PHACTR3: variants seen among roughly 807,000 people sequenced by gnomAD.
The protein encoded by PHACTR3 is protein phosphatase 1, regulatory subunit 123.
Under a neutral mutation model 66.8 loss-of-function variants are expected in PHACTR3, and 16 were observed. That is an observed-to-expected ratio of 0.24 (90% CI 0.16 to 0.36). The LOEUF is 0.36. Among genes scored for constraint, PHACTR3 ranks in the 10% least tolerant of loss-of-function variants. PHACTR3 has a pLI of 1.00. For synonymous variants in PHACTR3, 323 were observed against 292.1 expected (o/e 1.11, Z -1.08); for missense variants, 647 against 719.9 (o/e 0.90, Z 1.16).
At position 59,707,732 on chromosome 20, in the gene PHACTR3, C is replaced by T. The variant is rs2037761452; in HGVS notation, c.119-35375C>T. 2.0e-5 allele frequency among the ~76,000 whole-genome samples: 3 copies of T among 152,096 alleles called. No homozygotes were observed. The South Asian group carries it at 6.2e-4, about 32-fold the overall frequency. ...CCTCCCACCTCAGCCTCCCAAAGTG[C>T]TGGGATTACAGGCGTGAGCCCCCTT... On this transcript the variant is annotated intron_variant, in intron 1 of 12. Coordinates refer to ENST00000371015, the MANE Select transcript of PHACTR3 (RefSeq NM_080672.5).
chr20:59,581,059 A>T (rs542624489), intron 1 of PHACTR3, among the ~76,000 whole-genome samples: 2 of 152,322 alleles, frequency 1.3e-5, no homozygotes, highest in East Asian at 3.9e-4. Flanking sequence ...TGGAGCTGGC[A>T]TCCCCGCCAT....
At chr20:59,700,105 C>T (rs976768044) in intron 1 of PHACTR3, among the ~76,000 whole-genome samples, 3 of 152,200 alleles carry the variant, frequency 2.0e-5, no homozygotes, top group African/African-American at 2.4e-5. Flanking sequence ...GTGTTATTCA[C>T]GATATGTGTG....
chr20:59,715,643 A>T (rs1433378446), intron 1 of PHACTR3, among the ~76,000 whole-genome samples: 1 of 152,092 alleles, frequency 6.6e-6, no homozygotes, highest in Non-Finnish European at 1.5e-5. Flanking sequence ...CTTAAAATTG[A>T]TTCCCTCATG....
chr20:59,785,848 C>CTCTGCATCCCCTGCT (rs979601713), intron 7 of PHACTR3, among the ~76,000 whole-genome samples: 1 of 40,474 alleles, frequency 2.5e-5, no homozygotes, highest in African/African-American at 5.1e-5. Context: ...TCCAGCAGCC[C>CTCTGCATCCCCTGCT]TCTGCATCCC....
intron 1 of PHACTR3, among the ~76,000 whole-genome samples, chr20:59,630,594 T>G (rs2034626420): frequency 1.3e-5 from 2 of 152,242 alleles, no homozygotes; most frequent in Admixed American, 1.3e-4. Context: ...AGTGGTTCTA[T>G]TAGAGCAACA....
intron 1 of PHACTR3, among the ~76,000 whole-genome samples, chr20:59,654,520 C>T (rs983640310): frequency 6.6e-6 from 1 of 152,066 alleles, no homozygotes; most frequent in African/African-American, 2.4e-5. Flanking sequence ...GTAGGACAAC[C>T]AGAAGTTATA....
At chr20:59,708,258 A>AG (rs1409091836) in intron 1 of PHACTR3, among the ~76,000 whole-genome samples, 5 of 152,156 alleles carry the variant, frequency 3.3e-5, no homozygotes, top group African/African-American at 1.2e-4. Flanking sequence ...TGAACTTTTG[A>AG]GGGGCTCACA....
intron 8 of PHACTR3, among the ~76,000 whole-genome samples, chr20:59,823,249 T>C (rs1451306454): frequency 1.3e-5 from 2 of 152,192 alleles, no homozygotes; most frequent in Non-Finnish European, 2.9e-5. Context: ...CACGGGGCCA[T>C]TTGTGATCAT....
intron 1 of PHACTR3, among the ~76,000 whole-genome samples, chr20:59,645,742 T>C (rs1158648376): frequency 6.6e-6 from 1 of 152,114 alleles, no homozygotes; most frequent in African/African-American, 2.4e-5. Flanking sequence ...AATGAAACCG[T>C]CATGTTTTAA....
chr20:59,581,015 G>A (rs1056534520), intron 1 of PHACTR3, among the ~76,000 whole-genome samples: 3 of 152,208 alleles, frequency 2.0e-5, no homozygotes, highest in Non-Finnish European at 4.4e-5. Flanking sequence ...AGGACTGGAC[G>A]GCTGAGACCT....
intron 8 of PHACTR3, among the ~76,000 whole-genome samples, chr20:59,818,869 AT>A (rs1292400169): frequency 6.6e-6 from 1 of 151,832 alleles, no homozygotes; most frequent in Non-Finnish European, 1.5e-5. Flanking sequence ...TTTCTTCCTC[AT>A]TATCTTTCCA....
intron 1 of PHACTR3, among the ~76,000 whole-genome samples, chr20:59,666,646 C>G (rs768614825): frequency 2.6e-5 from 4 of 151,424 alleles, no homozygotes; most frequent in Non-Finnish European, 5.9e-5. Context: ...GAGAGAGAGA[C>G]AAAGACAGAG....
At chr20:59,840,547 C>T (rs2145511275) in intron 10 of PHACTR3, 117 bp downstream of exon 10, 1 of 1,426,018 alleles carries the variant, frequency 7.0e-7, no homozygotes, top group African/African-American at 1.4e-5. Context: ...TAATGTTCTC[C>T]TGGACATCAT....
chr20:59,746,781 G>A (rs561437226), intron 2 of PHACTR3, among the ~76,000 whole-genome samples: 2 of 152,200 alleles, frequency 1.3e-5, no homozygotes, highest in South Asian at 2.1e-4. Context: ...GCAGGATCAC[G>A]GAGCAGGCCC....
intron 5 of PHACTR3, among the ~76,000 whole-genome samples, chr20:59,768,452 C>G (rs117588214): frequency 0.022 from 3,401 of 152,350 alleles, 57 homozygotes; most frequent in Non-Finnish European, 0.035. Flanking sequence ...CAGGAAACTC[C>G]AGTAACTTGT....
chr20:59,658,428 T>C (rs957009360), intron 1 of PHACTR3, among the ~76,000 whole-genome samples: 13 of 152,140 alleles, frequency 8.5e-5, no homozygotes, highest in African/African-American at 3.1e-4. Flanking sequence ...TTAGCAACTC[T>C]GGATACTTGT....
At chr20:59,836,724 G>A (rs2058974335) in intron 9 of PHACTR3, among the ~76,000 whole-genome samples, 164 bp downstream of exon 9, 1 of 152,132 alleles carries the variant, frequency 6.6e-6, no homozygotes, top group South Asian at 2.1e-4. Flanking sequence ...CCAAAGGAAA[G>A]CTGATATACC....
At chr20:59,809,674 T>C (rs530814065) in intron 8 of PHACTR3, among the ~76,000 whole-genome samples, 1 of 152,274 alleles carries the variant, frequency 6.6e-6, no homozygotes, top group Admixed American at 6.5e-5. Context: ...AGATTGCTGA[T>C]CATAAACTTG....
At chr20:59,599,098 G>A (rs1024223506) in intron 1 of PHACTR3, among the ~76,000 whole-genome samples, 2 of 152,222 alleles carry the variant, frequency 1.3e-5, no homozygotes, top group Non-Finnish European at 2.9e-5. Context: ...GGGGACTGAG[G>A]CAGCAGAGGG....
Sources: allele counts gnomAD v4.1 joint callset (sites outside exome capture counted in the v4.1 genomes callset), GRCh38; gene constraint gnomAD v4.1.1; transcripts MANE v1.5; gene names NCBI Gene and HGNC (gene_info 2026-07-23, HGNC 2026-07-21).